RBBP5: variants seen among roughly 807,000 people sequenced by gnomAD.
RBBP5 encodes the protein RB binding protein 5, histone lysine methyltransferase complex subunit.
Under a neutral mutation model 72.2 loss-of-function variants are expected in RBBP5, and 5 were observed. The ratio of observed to expected loss-of-function variants is 0.07; its 90% CI spans 0.04 to 0.15. The LOEUF is 0.15. Ranked by LOEUF, RBBP5 falls within the 10% of genes least tolerant of loss-of-function variation. The probability of loss-of-function intolerance (pLI) is 1.00; values close to 1 mark genes in which losing one functional copy is unlikely to be tolerated. For missense variants in RBBP5, 322 were observed against 652.2 expected (o/e 0.49, Z 5.51); for synonymous variants, 209 against 237.2 (o/e 0.88, Z 1.09).
chr1:205,114,211 G>A (rs1456256366), intron 3 of RBBP5, among the ~76,000 whole-genome samples: 2 of 152,244 alleles, frequency 1.3e-5, no homozygotes, highest in East Asian at 3.9e-4. Flanking sequence ...ACTTAACCTT[G>A]ATCTGATTAG....
chr1:205,101,525 A>C, intron 6 of RBBP5, 75 bp downstream of exon 6: 1 of 1,076,912 alleles, frequency 9.3e-7, no homozygotes, highest in Non-Finnish European at 1.3e-6. Context: ...TATACATGAA[A>C]ACTGCAAATC....
chr1:205,109,839 T>C (rs916565425), intron 3 of RBBP5, among the ~76,000 whole-genome samples: 7 of 152,036 alleles, frequency 4.6e-5, no homozygotes, highest in African/African-American at 1.7e-4. Context: ...ATGGCCCCCA[T>C]CCAGTGCTTG....
intron 1 of RBBP5, among the ~76,000 whole-genome samples, chr1:205,117,890 A>C (rs542740133): frequency 1.3e-5 from 2 of 151,482 alleles, no homozygotes; most frequent in South Asian, 4.2e-4. Flanking sequence ...GCTCCCTCCA[A>C]CCTCTGCCTC....
Position 205,089,637 on chromosome 1 carries a change from A to G in RBBP5, c.1589-822T>C, listed in dbSNP as rs1468743574. Among the ~76,000 whole-genome samples, 3 of 152,224 alleles carry G rather than the reference A, an allele frequency of 2.0e-5. No homozygotes were observed. The East Asian group carries it at 5.8e-4, about 29-fold the overall frequency. ...TTTGATTTTTGAAGTTCCTGCACAA[A>G]TGAAAACTGGCAATAAAAATATATT... On this transcript the variant is annotated intron_variant, in intron 13 of 13. Coordinates refer to ENST00000264515, the MANE Select transcript of RBBP5 (RefSeq NM_005057.4).
intron 3 of RBBP5, among the ~76,000 whole-genome samples, 191 bp from the exon 4 acceptor site, chr1:205,105,359 T>C (rs1284019198): frequency 2.0e-5 from 3 of 152,222 alleles, no homozygotes; most frequent in Admixed American, 2.0e-4. Context: ...CATGACATTT[T>C]ACTATCTAGT....
At chr1:205,115,773 C>T in intron 2 of RBBP5, 85 bp downstream of exon 2, 1 of 1,411,726 alleles carries the variant, frequency 7.1e-7, no homozygotes, top group Non-Finnish European at 9.4e-7. Flanking sequence ...TGTCAAAACA[C>T]AAGGATCAAA....
Position 205,088,023 on chromosome 1 carries a change from A to G in RBBP5, c.*764T>C, listed in dbSNP as rs1413674102. The G allele has an allele frequency of 6.6e-6, 1 of 152,290 alleles. No homozygotes were observed. Among genetic ancestry groups the G allele is most frequent in the Non-Finnish European group, 1.5e-5 (1 of 68,058 alleles). The allele number at this position is 152,290 out of a possible 1,614,324, so 9.4% of individuals were successfully genotyped here. A position where few individuals can be genotyped will look rare whatever the true frequency, so the allele number is the denominator to read the frequency against. On this transcript the variant is annotated 3_prime_UTR_variant, in exon 14 of 14. Coordinates refer to ENST00000264515, the MANE Select transcript of RBBP5 (RefSeq NM_005057.4). ...CCATCTCTGGAAGCCAGCACAGGTA[A>G]AGCAATATAAACTATTGATGATTCT...
chr1:205,100,089 G>T, intron 7 of RBBP5, 25 bp from the exon 8 acceptor site: 1 of 1,613,588 alleles, frequency 6.2e-7, no homozygotes, highest in Non-Finnish European at 8.5e-7. Flanking sequence ...AAGTACCAAG[G>T]AGAGCTGGAA....
At chr1:205,089,350 C>G (rs912482327) in intron 13 of RBBP5, among the ~76,000 whole-genome samples, 2 of 152,140 alleles carry the variant, frequency 1.3e-5, no homozygotes, top group Non-Finnish European at 2.9e-5. Flanking sequence ...TTGCTATACA[C>G]CAACAATGAT....
chr1:205,097,951 C>T (rs141333884), intron 10 of RBBP5, among the ~76,000 whole-genome samples: 1 of 152,136 alleles, frequency 6.6e-6, no homozygotes, highest in Non-Finnish European at 1.5e-5. Context: ...CTGACAGTGC[C>T]AACTGGGCAT....
chr1:205,098,038 T>C (rs1186784649), intron 10 of RBBP5, among the ~76,000 whole-genome samples: 1 of 151,970 alleles, frequency 6.6e-6, no homozygotes, highest in Non-Finnish European at 1.5e-5. Flanking sequence ...AAAAGTCAAA[T>C]CTTTATTCTC....
At chr1:205,119,743 A>C (rs1284916541) in intron 1 of RBBP5, among the ~76,000 whole-genome samples, 1 of 152,224 alleles carries the variant, frequency 6.6e-6, no homozygotes, top group African/African-American at 2.4e-5. Flanking sequence ...TACATAGATT[A>C]ATACATGGAA....
intron 3 of RBBP5, among the ~76,000 whole-genome samples, chr1:205,108,045 C>CAAGAGAT (rs1656149760): frequency 2.0e-5 from 3 of 150,920 alleles, no homozygotes; most frequent in Non-Finnish European, 4.4e-5. Flanking sequence ...GAGATCGAGA[C>CAAGAGAT]CATCCTGGTC....
chr1:205,121,753 C>T lies in RBBP5; in HGVS notation c.19+102G>A, dbSNP rs543275181. On this transcript the variant is annotated intron_variant, in intron 1 of 13. Coordinates refer to ENST00000264515, the MANE Select transcript of RBBP5 (RefSeq NM_005057.4). ...TCAGGTGTGCCCAGTGATCCATAGC[C>T]GAACAGTGTCCCTAAGATTGCAGCC... 9.9e-5 allele frequency: 155 copies of T among 1,563,910 alleles called. No homozygotes were observed. In the African/African-American group the frequency reaches 2.0e-3, roughly 20 times the overall value.
chr1:205,089,399 C>G (rs1201441728), intron 13 of RBBP5, among the ~76,000 whole-genome samples: 1 of 152,164 alleles, frequency 6.6e-6, no homozygotes, highest in Non-Finnish European at 1.5e-5. Flanking sequence ...GAAATGAACA[C>G]TTCCCTGATT....
At chr1:205,116,312 T>C (rs1419598259) in intron 1 of RBBP5, 2 of 376,884 alleles carry the variant, frequency 5.3e-6, no homozygotes, top group Non-Finnish European at 1.1e-5. Context: ...GCTTTAAAAA[T>C]ATTATCTCAG....
chr1:205,092,763 A>G (rs1220615788), intron 13 of RBBP5, among the ~76,000 whole-genome samples: 2 of 146,914 alleles, frequency 1.4e-5, no homozygotes, highest in East Asian at 4.2e-4. Context: ...ATTGGCTTTT[A>G]CATAGATGGG....
At chr1:205,110,167 A>G (rs1656256966) in intron 3 of RBBP5, among the ~76,000 whole-genome samples, 1 of 151,648 alleles carries the variant, frequency 6.6e-6, no homozygotes, top group Non-Finnish European at 1.5e-5. Context: ...TTACAGGCGC[A>G]TGTCACCGCA....
Position 205,113,663 on chromosome 1 carries a change from TAC to T in RBBP5, c.218+1124_218+1125del, listed in dbSNP as rs1004272009. 9.3e-4 allele frequency among the ~76,000 whole-genome samples: 140 copies of T among 150,386 alleles called. 1 individual carries two copies. Among genetic ancestry groups the T allele is most frequent in the African/African-American group, 3.1e-3 (129 of 40,964 alleles). The stretch of plus-strand genomic sequence containing the variant: ...GAAATTTTATATTATGTGAAACACA[TAC>T]ACACACACATAAAAATGTGTATTTT... On this transcript the variant is annotated intron_variant, in intron 3 of 13. Coordinates refer to ENST00000264515, the MANE Select transcript of RBBP5 (RefSeq NM_005057.4).
Sources: allele counts gnomAD v4.1 joint callset (sites outside exome capture counted in the v4.1 genomes callset), GRCh38; gene constraint gnomAD v4.1.1; transcripts MANE v1.5; gene names NCBI Gene and HGNC (gene_info 2026-07-23, HGNC 2026-07-21).